Variants in CSGALNACT1 observed in about 807,000 individuals in gnomAD.
CSGALNACT1 encodes chondroitin sulfate N-acetylgalactosaminyltransferase 1, also known as beta4GalNAcT-1.
In CSGALNACT1, 52 loss-of-function variants were observed where a neutral mutation model predicts 51.0. The ratio of observed to expected loss-of-function variants is 1.02; its 90% CI spans 0.82 to 1.29. The LOEUF (loss-of-function observed/expected upper bound fraction) is 1.29. Among genes scored for constraint, CSGALNACT1 ranks in the 50% most tolerant of loss-of-function variants. The pLI, the probability that CSGALNACT1 is intolerant of heterozygous loss-of-function variation, is 0.00. For synonymous variants in CSGALNACT1, 341 were observed against 254.4 expected, an observed-to-expected ratio of 1.34 and a Z score of -3.24; for missense variants, 935 against 679.2, an observed-to-expected ratio of 1.38 and a Z score of -4.19.
At chr8:19,404,729 T>A in exon 10 of CSGALNACT1, 1 of 454,518 alleles carries the variant, frequency 2.2e-6, no homozygotes, top group Non-Finnish European at 4.4e-6. Context: ...TTTAAACAGG[T>A]AAGAAAGCGG....
upstream of CSGALNACT1, chr8:19,683,021 A>C: frequency 7.4e-6 from 2 of 270,952 alleles, no homozygotes; most frequent in Non-Finnish European, 7.5e-6. Flanking sequence ...CATCCCTTTA[A>C]ATGACCCTGG....
chr8:19,656,334 C>A (rs1263748260), intron 1 of CSGALNACT1, among the ~76,000 whole-genome samples: 2 of 152,076 alleles, frequency 1.3e-5, no homozygotes, highest in African/African-American at 4.8e-5. Context: ...TCATATAGGA[C>A]CTCTAGTCCA....
chr8:19,678,637 C>G (rs542358084), intron 1 of CSGALNACT1: 1 of 152,290 alleles, frequency 6.6e-6, no homozygotes, highest in East Asian at 1.9e-4. Flanking sequence ...GACCTCAAGG[C>G]AGCAGAGTGG....
intron 1 of CSGALNACT1, among the ~76,000 whole-genome samples, chr8:19,746,435 T>C (rs752230198): frequency 5.9e-5 from 9 of 152,192 alleles, no homozygotes; most frequent in Non-Finnish European, 1.0e-4. Flanking sequence ...CACGTGCAGA[T>C]TGATGAAAAT....
intron 5 of CSGALNACT1, among the ~76,000 whole-genome samples, chr8:19,443,191 G>A (rs2061593598): frequency 6.6e-6 from 1 of 152,218 alleles, no homozygotes; most frequent in African/African-American, 2.4e-5. Flanking sequence ...GCTAACCTGG[G>A]AAGGTCCTCT....
Position 19,711,992 on chromosome 8 carries a change from A to G in CSGALNACT1, c.-297+45858T>C, listed in dbSNP as rs2062534951. ...CAGCACGCCCAGCATCACAGAAATAATAAGTGGTGAAGCCGGGGTTAGAAC... is the reference window on the plus strand; with the variant it reads ...CAGCACGCCCAGCATCACAGAAATAGTAAGTGGTGAAGCCGGGGTTAGAAC... On this transcript the variant is annotated intron_variant, in intron 1 of 1. Coordinates refer to the CSGALNACT1 transcript ENST00000517494. Among the ~76,000 whole-genome samples the G allele has an allele frequency of 2.6e-5, 4 of 152,158 alleles. 1 individual carries two copies. The highest frequency in any genetic ancestry group is 2.1e-4 in the South Asian group (1 of 4,830).
intron 1 of CSGALNACT1, among the ~76,000 whole-genome samples, chr8:19,635,889 G>A (rs561367836): frequency 3.9e-4 from 60 of 152,082 alleles, no homozygotes; most frequent in Middle Eastern, 6.8e-3. Context: ...GACCATGCCC[G>A]GCTCATTTTT....
At chr8:19,749,614 A>C (rs147565459) in intron 1 of CSGALNACT1, among the ~76,000 whole-genome samples, 10 of 152,254 alleles carry the variant, frequency 6.6e-5, no homozygotes, top group Non-Finnish European at 1.5e-4. Flanking sequence ...CTCTCTAAAG[A>C]CCATCCCTGA....
intron 5 of CSGALNACT1, among the ~76,000 whole-genome samples, chr8:19,450,720 C>T (rs2063028647): frequency 2.6e-5 from 4 of 151,978 alleles, no homozygotes; most frequent in Admixed American, 2.0e-4. Flanking sequence ...AGTTTGAAAC[C>T]AGCCTGGGCA....
chr8:19,438,261 C>G (rs1376864153), intron 6 of CSGALNACT1, among the ~76,000 whole-genome samples: 1 of 152,176 alleles, frequency 6.6e-6, no homozygotes, highest in East Asian at 1.9e-4. Flanking sequence ...CCTTCTGATA[C>G]AATTGTTCTC....
At chr8:19,409,706 C>T (rs1315459676) in intron 8 of CSGALNACT1, among the ~76,000 whole-genome samples, 1 of 152,092 alleles carries the variant, frequency 6.6e-6, no homozygotes, top group African/African-American at 2.4e-5. Flanking sequence ...GTTCCTCTTT[C>T]CCCACTTGGA....
intron 1 of CSGALNACT1, among the ~76,000 whole-genome samples, chr8:19,612,961 A>G (rs1460356642): frequency 4.3e-5 from 6 of 140,264 alleles, no homozygotes; most frequent in African/African-American, 1.4e-4. Flanking sequence ...AAAAAAAAAA[A>G]AAAAAAAAAA....
intron 1 of CSGALNACT1, among the ~76,000 whole-genome samples, chr8:19,690,361 TATC>T (rs1212461520): frequency 1.3e-5 from 2 of 152,228 alleles, no homozygotes; most frequent in African/African-American, 4.8e-5. Context: ...GTATTTCTAA[TATC>T]ATCCTGCTCC....
At chr8:19,719,179 T>G (rs2062979060) in intron 1 of CSGALNACT1, among the ~76,000 whole-genome samples, 1 of 152,216 alleles carries the variant, frequency 6.6e-6, no homozygotes. Flanking sequence ...TGGCTCAAAT[T>G]ATCACTTCCC....
intron 6 of CSGALNACT1, among the ~76,000 whole-genome samples, chr8:19,438,332 A>T (rs960558293): frequency 6.6e-6 from 1 of 152,216 alleles, no homozygotes; most frequent in Non-Finnish European, 1.5e-5. Flanking sequence ...CTAGGAATTG[A>T]CATTGACAGA....
intron 3 of CSGALNACT1, among the ~76,000 whole-genome samples, chr8:19,554,866 C>G (rs932117879): frequency 2.6e-5 from 4 of 152,166 alleles, no homozygotes; most frequent in African/African-American, 9.6e-5. Context: ...TGCAGTGAGC[C>G]AAGATCCCGC....
chr8:19,567,541 C>T (rs187571952), intron 3 of CSGALNACT1, among the ~76,000 whole-genome samples: 23 of 152,262 alleles, frequency 1.5e-4, no homozygotes, highest in African/African-American at 3.9e-4. Context: ...ATTGGGGAAA[C>T]GTTAAAACTT....
chr8:19,595,289 T>C (rs1416494289), intron 2 of CSGALNACT1, among the ~76,000 whole-genome samples: 1 of 152,220 alleles, frequency 6.6e-6, no homozygotes, highest in South Asian at 2.1e-4. Context: ...AACAACATGC[T>C]ATTTTTCTCA....
In CSGALNACT1 at chr8:19,643,859, G is replaced by A. The variant is rs189094400; in HGVS notation, c.-544+38614C>T. ...GCAGTGGAAATTGGCTCAGTCACTC[G>A]GGTAAACAATTTAGCAGTAATTTGG... is the stretch of plus-strand genomic sequence containing the variant. On this transcript the variant is annotated intron_variant, in intron 1 of 9. Transcript: ENST00000332246. Among the ~76,000 whole-genome samples, 428 of 152,250 alleles carry A rather than the reference G, an allele frequency of 2.8e-3. 1 individual carries two copies. Among genetic ancestry groups the A allele is most frequent in the Non-Finnish European group, 2.5e-3 (173 of 68,022 alleles).
Sources: gnomAD v4.1 joint callset for allele counts (sites outside exome capture counted in the v4.1 genomes callset) on GRCh38, gnomAD v4.1.1 for gene constraint, MANE v1.5 for transcripts, NCBI Gene and HGNC (gene_info 2026-07-23, HGNC 2026-07-21) for gene names.